The following ATRNL1 variants were observed in gnomAD, a reference collection of about 807,000 sequenced individuals.
ATRNL1 encodes attractin like 1.
ATRNL1 carries 95 observed loss-of-function variants against 182.7 expected under a neutral mutation model. The ratio of observed to expected loss-of-function variants is 0.52; its 90% CI spans 0.44 to 0.62. The LOEUF is 0.62. ATRNL1 is among the 20% of genes least tolerant of loss of function. The probability of loss-of-function intolerance (pLI) is 0.00; values close to 1 mark genes in which losing one functional copy is unlikely to be tolerated. For missense variants in ATRNL1, 1,471 were observed against 1,679.5 expected (o/e 0.88, Z 2.17); for synonymous variants, 576 against 568.3 (o/e 1.01, Z -0.19).
chr10:115,319,801 G>A lies in ATRNL1; in HGVS notation c.3037+4065G>A, dbSNP rs186089921. Among the ~76,000 whole-genome samples the A allele has an allele frequency of 5.5e-3, 829 of 151,540 alleles. 5 individuals carry two copies. Among genetic ancestry groups the A allele is most frequent in the Admixed American group, 0.011 (160 of 15,216 alleles). ...TATGTGTGTCTTTGCCTATGAGATG[G>A]GTCTCCTGAATACAGCACACTGATT... On this transcript the variant is annotated intron_variant, in intron 18 of 28. Coordinates refer to ENST00000355044, the MANE Select transcript of ATRNL1 (RefSeq NM_207303.4).
intron 22 of ATRNL1, 123 bp downstream of exon 22, chr10:115,462,158 C>A (rs1483701214): frequency 5.6e-6 from 3 of 532,648 alleles, no homozygotes; most frequent in Non-Finnish European, 6.2e-6. Context: ...AACTACTAAT[C>A]CTATTAATTT....
At chr10:115,872,047 T>G (rs933921391) in intron 28 of ATRNL1, among the ~76,000 whole-genome samples, 3 of 152,204 alleles carry the variant, frequency 2.0e-5, no homozygotes, top group African/African-American at 7.2e-5. Context: ...CATCTGTTTA[T>G]CTAAGAAGCC....
chr10:115,242,408 A>G (rs567293164), intron 10 of ATRNL1, among the ~76,000 whole-genome samples: 18 of 152,096 alleles, frequency 1.2e-4, no homozygotes, highest in African/African-American at 3.8e-4. Flanking sequence ...GGTATCCAGT[A>G]GACCCTTGTA....
chr10:115,182,076 A>AT (rs1426072017), intron 8 of ATRNL1, among the ~76,000 whole-genome samples: 1 of 151,562 alleles, frequency 6.6e-6, no homozygotes, highest in Non-Finnish European at 1.5e-5. Flanking sequence ...TGAACAATAC[A>AT]TTTTTATTTT....
At chr10:115,253,491 G>A (rs1273824199) in intron 10 of ATRNL1, among the ~76,000 whole-genome samples, 1 of 152,042 alleles carries the variant, frequency 6.6e-6, no homozygotes, top group Non-Finnish European at 1.5e-5. Flanking sequence ...GATCTGGGCA[G>A]CATATATCCA....
At chr10:115,380,005 T>C (rs1190371990) in intron 19 of ATRNL1, among the ~76,000 whole-genome samples, 1 of 152,104 alleles carries the variant, frequency 6.6e-6, no homozygotes, top group African/African-American at 2.4e-5. Context: ...TTTGTTTTTG[T>C]ATTTTTAGTA....
intron 15 of ATRNL1, among the ~76,000 whole-genome samples, chr10:115,299,604 C>A (rs1486294960): frequency 6.6e-6 from 1 of 152,058 alleles, no homozygotes; most frequent in African/African-American, 2.4e-5. Context: ...TTTCTAGTTT[C>A]ACAATGCAGA....
chr10:115,241,850 G>A, intron 10 of ATRNL1, 125 bp downstream of exon 10: 1 of 783,176 alleles, frequency 1.3e-6, no homozygotes, highest in South Asian at 2.6e-5. Context: ...GAATATGAAT[G>A]GAATTCTTTC....
chr10:115,712,086 A>G (rs964239979), intron 26 of ATRNL1, among the ~76,000 whole-genome samples: 1 of 152,210 alleles, frequency 6.6e-6, no homozygotes, highest in African/African-American at 2.4e-5. Context: ...AGTCTCAGCC[A>G]TAAGCACTCA....
intron 5 of ATRNL1, among the ~76,000 whole-genome samples, chr10:115,135,628 C>T (rs901062325): frequency 2.0e-5 from 3 of 152,130 alleles, no homozygotes; most frequent in South Asian, 4.1e-4. Flanking sequence ...ATTTATAGAT[C>T]AGTGCCATCC....
At chr10:115,854,004 A>T (rs1951117978) in intron 28 of ATRNL1, among the ~76,000 whole-genome samples, 2 of 152,206 alleles carry the variant, frequency 1.3e-5, no homozygotes, top group Admixed American at 1.3e-4. Flanking sequence ...AGAAACGTGT[A>T]AAAGTGTCTA....
chr10:115,651,115 C>T (rs1229059233), intron 26 of ATRNL1, among the ~76,000 whole-genome samples: 5 of 152,106 alleles, frequency 3.3e-5, no homozygotes, highest in Admixed American at 3.3e-4. Context: ...CAGCTATTGG[C>T]CACGACTTAG....
At chr10:115,581,587 A>G (rs1193587390) in intron 26 of ATRNL1, among the ~76,000 whole-genome samples, 1 of 152,162 alleles carries the variant, frequency 6.6e-6, no homozygotes, top group African/African-American at 2.4e-5. Flanking sequence ...TAAAATATAT[A>G]TGTGCATATG....
rs72836584 is a variant in ATRNL1 at position 115,235,486 on chromosome 10, G to A, written c.1533-6085G>A. On this transcript the variant is annotated intron_variant, in intron 9 of 28. Transcript: ENST00000355044. ...TGTATGTATGGAATTGTACAAACAT[G>A]GCCTCCTGTGTGTGGCTTCTTTCAC... Among the ~76,000 whole-genome samples, 317 of 152,024 alleles carry A rather than the reference G, an allele frequency of 2.1e-3. 1 individual carries two copies. The highest frequency in any genetic ancestry group is 3.7e-3 in the Non-Finnish European group (253 of 67,956).
chr10:115,797,782 G>T (rs1194250893), intron 27 of ATRNL1, among the ~76,000 whole-genome samples: 1 of 152,160 alleles, frequency 6.6e-6, no homozygotes, highest in Non-Finnish European at 1.5e-5. Flanking sequence ...TTCAAGCAAA[G>T]ATCTGGGAGA....
intron 9 of ATRNL1, among the ~76,000 whole-genome samples, chr10:115,231,892 T>A (rs537174234): frequency 1.3e-5 from 2 of 152,160 alleles, no homozygotes; most frequent in Non-Finnish European, 2.9e-5. Flanking sequence ...AAAAGAGAAG[T>A]ATGAAATCAT....
At chr10:115,922,436 A>C in intron 28 of ATRNL1, among the ~76,000 whole-genome samples, 1 of 152,312 alleles carries the variant, frequency 6.6e-6, no homozygotes. Context: ...TTTTCATTCT[A>C]TCTATCTAGC....
chr10:115,160,232 G>T lies in ATRNL1; in HGVS notation c.1004+18G>T. ...GTCCTAAAGTAAGTATTTATTTTCA[G>T]ATTCTTGCTGTTTTTTAAGCTGGAT... On this transcript the variant is annotated intron_variant, in intron 6 of 28. Coordinates refer to ENST00000355044, the MANE Select transcript of ATRNL1 (RefSeq NM_207303.4). The T allele has an allele frequency of 1.9e-6, 3 of 1,563,196 alleles. No homozygotes were observed. Among genetic ancestry groups the T allele is most frequent in the South Asian group, 2.4e-5 (2 of 84,030 alleles).
chr10:115,893,163 G>A (rs781785663), intron 28 of ATRNL1, among the ~76,000 whole-genome samples: 5 of 152,064 alleles, frequency 3.3e-5, no homozygotes, highest in Non-Finnish European at 5.9e-5. Context: ...TATAGATAAC[G>A]GCAAAAGCTG....
Sources: allele counts gnomAD v4.1 joint callset (sites outside exome capture counted in the v4.1 genomes callset), GRCh38; gene constraint gnomAD v4.1.1; transcripts MANE v1.5; gene names NCBI Gene and HGNC (gene_info 2026-07-23, HGNC 2026-07-21).